The following KLF12 variants were observed in gnomAD, a reference collection of about 807,000 sequenced individuals.
The protein encoded by KLF12 is KLF transcription factor 12.
A neutral mutation model predicts 37.8 loss-of-function variants in KLF12; 9 were observed. The observed-to-expected ratio is 0.24, with a 90% CI of 0.14 to 0.42. The LOEUF is 0.42. Ranked by LOEUF, KLF12 falls within the 10% of genes least tolerant of loss-of-function variation. The pLI is 1.00. For missense variants in KLF12, 411 were observed against 516.0 expected, an observed-to-expected ratio of 0.80 and a Z score of 1.97; for synonymous variants, 208 against 202.1, an observed-to-expected ratio of 1.03 and a Z score of -0.25.
intron 3 of KLF12, among the ~76,000 whole-genome samples, chr13:73,902,736 T>C (rs4885130): frequency 1.3e-5 from 2 of 152,224 alleles, no homozygotes; most frequent in Admixed American, 1.3e-4. Flanking sequence ...TAATCCCTAA[T>C]TGTATAAGTA....
chr13:74,234,038 T>A, the KLF12 span, among the ~76,000 whole-genome samples: 1 of 152,210 alleles, frequency 6.6e-6, no homozygotes, highest in Non-Finnish European at 1.5e-5. Context: ...TCATTAATTG[T>A]AACCAATATA....
At chr13:73,778,277 T>C (rs1460052544) in intron 5 of KLF12, among the ~76,000 whole-genome samples, 1 of 152,212 alleles carries the variant, frequency 6.6e-6, no homozygotes, top group East Asian at 1.9e-4. Flanking sequence ...TCCATGACAC[T>C]TGGCAGTTAC....
At chr13:74,038,080 C>T (rs945563810) in intron 1 of KLF12, among the ~76,000 whole-genome samples, 34 of 152,116 alleles carry the variant, frequency 2.2e-4, no homozygotes, top group Admixed American at 2.2e-3. Context: ...AAAGGACACA[C>T]AAATGAGTGC....
chr13:73,864,514 AGTATGAG>A (rs1432489142), intron 3 of KLF12, among the ~76,000 whole-genome samples: 1 of 152,132 alleles, frequency 6.6e-6, no homozygotes, highest in Non-Finnish European at 1.5e-5. Flanking sequence ...AATAGTCCCC[AGTATGAG>A]GTAGAAAAAA....
chr13:74,108,467 C>A (rs961467751), intron 1 of KLF12, among the ~76,000 whole-genome samples: 1 of 151,684 alleles, frequency 6.6e-6, no homozygotes, highest in Non-Finnish European at 1.5e-5. Flanking sequence ...GAGCAAATAC[C>A]CTGTATTTTC....
At chr13:73,960,495 C>A in intron 2 of KLF12, 1 of 205,348 alleles carries the variant, frequency 4.9e-6, no homozygotes, top group Non-Finnish European at 1.1e-5. Context: ...AAAAGAAGAG[C>A]CAATGGTTGG....
chr13:74,274,530 C>A, the KLF12 span, among the ~76,000 whole-genome samples: 21 of 152,222 alleles, frequency 1.4e-4, no homozygotes, highest in Admixed American at 3.3e-4. Flanking sequence ...ATATTGCCAA[C>A]TTACTCTTGA....
intron 6 of KLF12, among the ~76,000 whole-genome samples, chr13:73,718,563 C>T (rs1566316723): frequency 6.6e-6 from 1 of 152,146 alleles, no homozygotes; most frequent in South Asian, 2.1e-4. Context: ...CAAGACCAGC[C>T]TGGGCCAACA....
At chr13:73,915,696 T>C (rs920785520) in intron 3 of KLF12, among the ~76,000 whole-genome samples, 3 of 146,914 alleles carry the variant, frequency 2.0e-5, no homozygotes, top group African/African-American at 7.5e-5. Context: ...TGTATTTTTT[T>C]TTTTTTTTTT....
chr13:73,998,231 T>A (rs1892172687), intron 1 of KLF12, among the ~76,000 whole-genome samples: 1 of 152,178 alleles, frequency 6.6e-6, no homozygotes, highest in Non-Finnish European at 1.5e-5. Flanking sequence ...CAGTACCAGA[T>A]TGCTTGCTCT....
intron 5 of KLF12, among the ~76,000 whole-genome samples, chr13:73,789,114 A>G (rs1594093242): frequency 6.6e-6 from 1 of 152,240 alleles, no homozygotes; most frequent in East Asian, 1.9e-4. Flanking sequence ...GATAACATAG[A>G]ACAGTTTCAT....
chr13:73,994,585 T>G (rs188031065), intron 2 of KLF12, among the ~76,000 whole-genome samples: 1 of 152,282 alleles, frequency 6.6e-6, no homozygotes. Flanking sequence ...AGGACTGCAT[T>G]TGACAGCAAT....
chr13:74,171,856 G>A, the KLF12 span, among the ~76,000 whole-genome samples: 6 of 152,132 alleles, frequency 3.9e-5, no homozygotes, highest in Non-Finnish European at 7.4e-5. Context: ...TTTGTCCAAA[G>A]CAATATAGTT....
At chr13:74,175,465 G>A in the KLF12 span, among the ~76,000 whole-genome samples, 1 of 152,046 alleles carries the variant, frequency 6.6e-6, no homozygotes, top group Admixed American at 6.6e-5. Flanking sequence ...GCTTCCCATG[G>A]GTCAGACTCA....
At chr13:73,850,371 G>C (rs1885270039) in intron 3 of KLF12, among the ~76,000 whole-genome samples, 1 of 152,008 alleles carries the variant, frequency 6.6e-6, no homozygotes, top group African/African-American at 2.4e-5. Context: ...TAGGCATTTT[G>C]TTGAATGAAT....
At chr13:73,910,172 G>A (rs1472519474) in intron 3 of KLF12, among the ~76,000 whole-genome samples, 1 of 152,002 alleles carries the variant, frequency 6.6e-6, no homozygotes, top group South Asian at 2.1e-4. Flanking sequence ...TATTTTTTCA[G>A]AAATATTCAT....
intron 5 of KLF12, among the ~76,000 whole-genome samples, chr13:73,766,019 G>A (rs1594066095): frequency 6.6e-6 from 1 of 152,128 alleles, no homozygotes. Context: ...CCGCCTAAGG[G>A]CCAACTGCAG....
intron 4 of KLF12, among the ~76,000 whole-genome samples, chr13:73,823,691 C>A (rs552595929): frequency 4.9e-4 from 75 of 151,516 alleles, no homozygotes; most frequent in Admixed American, 1.1e-3. Flanking sequence ...ATTTGGTTAT[C>A]TCTCTTCATT....
chr13:74,218,658 G>C, the KLF12 span, among the ~76,000 whole-genome samples: 1 of 152,154 alleles, frequency 6.6e-6, no homozygotes, highest in Non-Finnish European at 1.5e-5. Context: ...TTTCTGTGCA[G>C]AGCTAATTGA....
Sources: allele counts gnomAD v4.1 joint callset (sites outside exome capture counted in the v4.1 genomes callset), GRCh38; gene constraint gnomAD v4.1.1; transcripts MANE v1.5; gene names NCBI Gene and HGNC (gene_info 2026-07-23, HGNC 2026-07-21).